Variants in TRPM3 observed in about 807,000 individuals in gnomAD.
TRPM3 encodes the protein transient receptor potential cation channel subfamily M member 3, also known as long transient receptor potential channel 3.
In TRPM3, 77 loss-of-function variants were observed where a neutral mutation model predicts 181.2. That is an observed-to-expected ratio of 0.42 (90% CI 0.35 to 0.51). The LOEUF is 0.51. Among genes scored for constraint, TRPM3 ranks in the 20% least tolerant of loss-of-function variants. The probability of loss-of-function intolerance (pLI) is 0.01; values close to 1 mark genes in which losing one functional copy is unlikely to be tolerated. For synonymous variants in TRPM3, 745 were observed against 796.4 expected (o/e 0.94, Z 1.09); for missense variants, 1,759 against 2,196.7 (o/e 0.80, Z 3.98).
intron 5 of TRPM3, among the ~76,000 whole-genome samples, chr9:70,835,559 C>T (rs1315595256): frequency 6.6e-6 from 1 of 151,986 alleles, no homozygotes; most frequent in Non-Finnish European, 1.5e-5. Context: ...CCTCCACTCA[C>T]TCTCCTCACA....
At chr9:70,832,242 T>C in intron 5 of TRPM3, among the ~76,000 whole-genome samples, 1 of 150,666 alleles carries the variant, frequency 6.6e-6, no homozygotes. Flanking sequence ...TGTATACATA[T>C]GTAACTAACC....
rs145376796 is a variant in TRPM3, at chr9:71,020,001, T to G, written c.177+101177A>C. 5.0e-3 allele frequency among the ~76,000 whole-genome samples: 754 copies of G among 152,272 alleles called. 19 individuals are homozygous for G. In the East Asian group the frequency reaches 0.078, roughly 16 times the overall value. ...GATACTCACATGGGAAAAATATATT[T>G]TGACTACTACTTCACACTATACATA... On this transcript the variant is annotated intron_variant, in intron 1 of 25. Coordinates refer to ENST00000677713, the MANE Select transcript of TRPM3 (RefSeq NM_001366145.2).
chr9:70,630,622 T>A (rs2065643639), intron 12 of TRPM3, among the ~76,000 whole-genome samples: 1 of 152,190 alleles, frequency 6.6e-6, no homozygotes, highest in Non-Finnish European at 1.5e-5. Flanking sequence ...GGAGGAACAG[T>A]CATTCTGCCT....
chr9:71,011,540 C>T (rs2097739665), intron 1 of TRPM3, among the ~76,000 whole-genome samples: 1 of 151,832 alleles, frequency 6.6e-6, no homozygotes, highest in South Asian at 2.1e-4. Context: ...TATTTCATTT[C>T]CTATAATTTT....
intron 1 of TRPM3, among the ~76,000 whole-genome samples, chr9:71,218,290 C>T (rs1213278986): frequency 6.6e-6 from 1 of 152,184 alleles, no homozygotes; most frequent in Non-Finnish European, 1.5e-5. Context: ...AACGCACTCT[C>T]ATGTAGCACT....
chr9:71,426,442 A>C (rs1030139602), intron 1 of TRPM3, among the ~76,000 whole-genome samples: 3 of 152,076 alleles, frequency 2.0e-5, no homozygotes, highest in African/African-American at 7.2e-5. Flanking sequence ...CAAGAAGCTC[A>C]CAAGCAATGA....
chr9:71,031,942 G>A (rs2057353268), intron 1 of TRPM3, among the ~76,000 whole-genome samples: 1 of 31,718 alleles, frequency 3.2e-5, no homozygotes, highest in African/African-American at 1.4e-4. Context: ...CCACCATTAA[G>A]GTTAATATAT....
chr9:70,627,942 GT>G (rs2064973102), intron 12 of TRPM3, among the ~76,000 whole-genome samples: 1 of 152,144 alleles, frequency 6.6e-6, no homozygotes, highest in Non-Finnish European at 1.5e-5. Context: ...AAGACCAATT[GT>G]CTGACTTCTT....
intron 1 of TRPM3, among the ~76,000 whole-genome samples, chr9:71,066,876 T>A (rs2061997176): frequency 6.6e-6 from 1 of 152,216 alleles, no homozygotes; most frequent in South Asian, 2.1e-4. Flanking sequence ...TCTTTGTTCA[T>A]CTCTCTGAAA....
chr9:70,995,984 C>A (rs2097538237), intron 1 of TRPM3, among the ~76,000 whole-genome samples: 1 of 152,160 alleles, frequency 6.6e-6, no homozygotes, highest in African/African-American at 2.4e-5. Flanking sequence ...ATGTGGAATG[C>A]ATTTTTGAAA....
At chr9:70,916,977 A>G (rs2096602263) in intron 1 of TRPM3, 3 of 1,496,422 alleles carry the variant, frequency 2.0e-6, no homozygotes, top group Admixed American at 3.4e-5. Flanking sequence ...ACAATCTGGT[A>G]TAATTGCCTG....
intron 1 of TRPM3, among the ~76,000 whole-genome samples, chr9:70,912,899 C>CAT (rs1391284408): frequency 1.3e-5 from 2 of 152,122 alleles, no homozygotes; most frequent in Admixed American, 6.5e-5. Flanking sequence ...GCTTAACATG[C>CAT]ATATATAAAC....
At chr9:71,248,859 G>A (rs2082182428) in intron 1 of TRPM3, among the ~76,000 whole-genome samples, 2 of 152,152 alleles carry the variant, frequency 1.3e-5, no homozygotes, top group African/African-American at 4.8e-5. Flanking sequence ...TGAAAGAAGT[G>A]AGCTTTATGG....
intron 8 of TRPM3, among the ~76,000 whole-genome samples, chr9:70,745,616 A>G (rs893797764): frequency 1.6e-4 from 25 of 152,168 alleles, no homozygotes; most frequent in African/African-American, 5.3e-4. Flanking sequence ...TCTAAACTTG[A>G]TGCATGACTC....
Position 70,558,160 on chromosome 9 carries a change from G to A in TRPM3, c.3224-4850C>T, listed in dbSNP as rs116822704. On this transcript the variant is annotated intron_variant, in intron 22 of 25. Coordinates refer to ENST00000677713, the MANE Select transcript of TRPM3 (RefSeq NM_001366145.2). ...AGAAGTTCTCTTTTCACAATACAACGTAAGGCTACCAAGTAGAGAAGGCCT... is the reference window on the plus strand; with the variant it reads ...AGAAGTTCTCTTTTCACAATACAACATAAGGCTACCAAGTAGAGAAGGCCT... Among the ~76,000 whole-genome samples the A allele has an allele frequency of 5.1e-4, 77 of 152,214 alleles. 1 individual carries two copies. Among genetic ancestry groups the A allele is most frequent in the African/African-American group, 1.7e-3 (69 of 41,544 alleles).
At chr9:70,776,781 C>T (rs527631169) in intron 7 of TRPM3, among the ~76,000 whole-genome samples, 197 of 152,198 alleles carry the variant, frequency 1.3e-3, no homozygotes, top group African/African-American at 4.6e-3. Context: ...GTGGTAACAA[C>T]GCAGTGACTT....
chr9:71,235,664 A>T (rs2081316178), intron 1 of TRPM3, among the ~76,000 whole-genome samples: 1 of 152,212 alleles, frequency 6.6e-6, no homozygotes, highest in South Asian at 2.1e-4. Flanking sequence ...TGCTTTAATT[A>T]AATTGGAAAT....
intron 1 of TRPM3, among the ~76,000 whole-genome samples, chr9:71,275,803 T>C (rs1470134268): frequency 6.6e-6 from 1 of 151,972 alleles, no homozygotes; most frequent in African/African-American, 2.4e-5. Flanking sequence ...AAATGCAATA[T>C]ATGAGTAAGT....
chr9:71,384,007 T>C (rs1008964973), intron 1 of TRPM3, among the ~76,000 whole-genome samples: 3 of 152,210 alleles, frequency 2.0e-5, no homozygotes, highest in Non-Finnish European at 2.9e-5. Context: ...AAGCATAACT[T>C]GAGTAGTAAT....
Sources: gnomAD v4.1 joint callset for allele counts (sites outside exome capture counted in the v4.1 genomes callset) on GRCh38, gnomAD v4.1.1 for gene constraint, MANE v1.5 for transcripts, NCBI Gene and HGNC (gene_info 2026-07-23, HGNC 2026-07-21) for gene names.